KCNIP3: variants seen among roughly 807,000 people sequenced by gnomAD.
The protein encoded by KCNIP3 is calsenilin.
Under a neutral mutation model 35.0 loss-of-function variants are expected in KCNIP3, and 28 were observed. That is an observed-to-expected ratio of 0.80 (90% CI 0.59 to 1.10). The LOEUF (loss-of-function observed/expected upper bound fraction) is 1.10. Ranked by LOEUF, KCNIP3 falls within the 50% of genes least tolerant of loss-of-function variation. The probability of loss-of-function intolerance (pLI) is 0.00; values close to 1 mark genes in which losing one functional copy is unlikely to be tolerated. For synonymous variants in KCNIP3, 134 were observed against 133.8 expected (o/e 1.00, Z -0.01); for missense variants, 295 against 338.4 (o/e 0.87, Z 1.01).
chr2:95,315,650 TCTC>T (rs1678437000), intron 2 of KCNIP3, among the ~76,000 whole-genome samples: 1 of 152,170 alleles, frequency 6.6e-6, no homozygotes, highest in African/African-American at 2.4e-5. Flanking sequence ...AGATGTCCCT[TCTC>T]CACGTCCTTC....
At chr2:95,304,057 C>T (rs373552393) in intron 1 of KCNIP3, among the ~76,000 whole-genome samples, 1 of 152,176 alleles carries the variant, frequency 6.6e-6, no homozygotes, top group African/African-American at 2.4e-5. Context: ...TGTGGACCAG[C>T]CACATGTCAG....
chr2:95,351,990 C>T (rs1345021823), intron 2 of KCNIP3, among the ~76,000 whole-genome samples: 3 of 152,074 alleles, frequency 2.0e-5, no homozygotes, highest in South Asian at 2.1e-4. Flanking sequence ...AGGCCAGGTG[C>T]GGTGGATCAG....
chr2:95,340,367 A>G (rs1451762250), intron 2 of KCNIP3, among the ~76,000 whole-genome samples: 2 of 152,194 alleles, frequency 1.3e-5, no homozygotes, highest in East Asian at 1.9e-4. Flanking sequence ...ACAAACAACA[A>G]CAACAAAACC....
At chr2:95,321,027 C>T (rs1020995354) in intron 2 of KCNIP3, among the ~76,000 whole-genome samples, 4 of 140,366 alleles carry the variant, frequency 2.8e-5, no homozygotes, top group African/African-American at 1.1e-4. Context: ...CCAGCCTCTC[C>T]TCCCCACACC....
chr2:95,337,855 T>C (rs999820351), intron 2 of KCNIP3, among the ~76,000 whole-genome samples: 1 of 152,198 alleles, frequency 6.6e-6, no homozygotes, highest in African/African-American at 2.4e-5. Flanking sequence ...TAGACTTCTC[T>C]GATAAGCAGG....
intron 2 of KCNIP3, among the ~76,000 whole-genome samples, chr2:95,341,913 T>G (rs1234166501): frequency 1.3e-5 from 2 of 152,208 alleles, no homozygotes; most frequent in Non-Finnish European, 2.9e-5. Flanking sequence ...AATATCTATG[T>G]TCCCATTGCA....
chr2:95,308,107 CGT>C (rs1288846884), intron 1 of KCNIP3, among the ~76,000 whole-genome samples: 11 of 151,666 alleles, frequency 7.3e-5, no homozygotes, highest in Admixed American at 2.0e-4. Flanking sequence ...CATGTGTGTG[CGT>C]GTGTGTGCAT....
intron 2 of KCNIP3, among the ~76,000 whole-genome samples, chr2:95,331,705 C>G (rs1415045552): frequency 6.6e-6 from 1 of 152,238 alleles, no homozygotes; most frequent in Non-Finnish European, 1.5e-5. Flanking sequence ...ACATCCTGTT[C>G]TGCCATCGGT....
At chr2:95,346,143 C>G (rs1659239913) in intron 2 of KCNIP3, among the ~76,000 whole-genome samples, 1 of 152,206 alleles carries the variant, frequency 6.6e-6, no homozygotes, top group South Asian at 2.1e-4. Context: ...TCAAAGGGGG[C>G]CAGCCTGGGC....
chr2:95,330,128 G>A (rs983790037), intron 2 of KCNIP3, among the ~76,000 whole-genome samples: 36 of 152,330 alleles, frequency 2.4e-4, no homozygotes, highest in African/African-American at 8.4e-4. Flanking sequence ...GCTGGGGTGA[G>A]AAGAGGCAGG....
At chr2:95,367,406 A>T (rs1430876219) in intron 2 of KCNIP3, among the ~76,000 whole-genome samples, 1 of 152,240 alleles carries the variant, frequency 6.6e-6, no homozygotes, top group Non-Finnish European at 1.5e-5. Flanking sequence ...TGTACAAAAA[A>T]ACTCTTGCTG....
At chr2:95,350,791 C>G (rs1679496635) in intron 2 of KCNIP3, among the ~76,000 whole-genome samples, 1 of 152,208 alleles carries the variant, frequency 6.6e-6, no homozygotes, top group Non-Finnish European at 1.5e-5. Context: ...CCGCTGTGCC[C>G]ACCCTGGGGC....
At chr2:95,314,398 CAAAGATGGATT>C (rs947836381) in intron 2 of KCNIP3, among the ~76,000 whole-genome samples, 2 of 152,116 alleles carry the variant, frequency 1.3e-5, no homozygotes, top group Admixed American at 1.3e-4. Flanking sequence ...TAATCCACCA[CAAAGATGGATT>C]AAAGATGGAT....
At chr2:95,330,429 C>T (rs571236744) in intron 2 of KCNIP3, among the ~76,000 whole-genome samples, 1 of 152,326 alleles carries the variant, frequency 6.6e-6, no homozygotes, top group East Asian at 1.9e-4. Flanking sequence ...TGTCCCAGCC[C>T]TGCTCTCAGG....
intron 2 of KCNIP3, among the ~76,000 whole-genome samples, chr2:95,324,527 A>G (rs1176432855): frequency 4.0e-5 from 6 of 148,416 alleles, no homozygotes; most frequent in Non-Finnish European, 8.9e-5. Flanking sequence ...TAAATAGATA[A>G]ATAAATAAAT....
rs146154798 is a variant in KCNIP3 at position 95,340,644 on chromosome 2, T to C, written c.181+30124T>C. The stretch of plus-strand genomic sequence containing the variant: ...GAGGGGATTTTTCATGAGAAGTTTA[T>C]GGGAAAGTCTTTCTCACAGTAAGAG... On this transcript the variant is annotated intron_variant, in intron 2 of 8. Coordinates refer to ENST00000295225, the MANE Select transcript of KCNIP3 (RefSeq NM_013434.5). Among the ~76,000 whole-genome samples the C allele has an allele frequency of 6.4e-4, 97 of 152,370 alleles. No individual in the cohort carries two copies. The East Asian group carries it at 7.5e-3, about 12-fold the overall frequency.
At chr2:95,352,303 C>A (rs1679546440) in intron 2 of KCNIP3, among the ~76,000 whole-genome samples, 1 of 152,044 alleles carries the variant, frequency 6.6e-6, no homozygotes, top group Non-Finnish European at 1.5e-5. Context: ...ATTCAAGGGC[C>A]CAACGCTGGG....
At chr2:95,381,365 TCA>T (rs1303928415) in intron 5 of KCNIP3, among the ~76,000 whole-genome samples, 1 of 151,272 alleles carries the variant, frequency 6.6e-6, no homozygotes, top group Non-Finnish European at 1.5e-5. Context: ...ACACAAGTTC[TCA>T]CACAGGTGCA....
At chr2:95,343,924 T>C (rs1679280430) in intron 2 of KCNIP3, among the ~76,000 whole-genome samples, 2 of 150,732 alleles carry the variant, frequency 1.3e-5, no homozygotes, top group African/African-American at 4.9e-5. Context: ...CTCTGAAAAC[T>C]TCCTAAACTA....
Sources: allele counts gnomAD v4.1 joint callset (sites outside exome capture counted in the v4.1 genomes callset), GRCh38; gene constraint gnomAD v4.1.1; transcripts MANE v1.5; gene names NCBI Gene and HGNC (gene_info 2026-07-23, HGNC 2026-07-21).